Variants in NID1 observed in about 807,000 individuals in gnomAD.
NID1 encodes nidogen-1.
NID1 carries 76 observed loss-of-function variants against 130.6 expected under a neutral mutation model. The ratio of observed to expected loss-of-function variants is 0.58; its 90% CI spans 0.48 to 0.70. The LOEUF (loss-of-function observed/expected upper bound fraction) is 0.70, where lower values mean the gene tolerates loss of function less well. NID1 is among the 30% of genes least tolerant of loss of function. NID1 has a pLI of 0.00. For synonymous variants in NID1, 665 were observed against 675.1 expected (o/e 0.98, Z 0.23); for missense variants, 1,517 against 1,664.8 (o/e 0.91, Z 1.54).
intron 4 of NID1, among the ~76,000 whole-genome samples, chr1:236,039,446 T>C (rs897438852): frequency 6.6e-6 from 1 of 151,916 alleles, no homozygotes; most frequent in Non-Finnish European, 1.5e-5. Context: ...GAGGAATAAT[T>C]TGGAAGCACT....
intron 12 of NID1, among the ~76,000 whole-genome samples, chr1:236,005,518 C>A (rs1410315009): frequency 6.6e-6 from 1 of 152,160 alleles, no homozygotes; most frequent in Non-Finnish European, 1.5e-5. Flanking sequence ...AAGATTTCTT[C>A]TAATTTACCT....
intron 14 of NID1, 54 bp from the exon 15 acceptor site, chr1:235,985,559 A>T (rs1256612758): frequency 1.9e-6 from 3 of 1,600,460 alleles, no homozygotes; most frequent in Non-Finnish European, 2.6e-6. Flanking sequence ...TCTGATAGTG[A>T]GAATCTTTTT....
intron 19 of NID1, among the ~76,000 whole-genome samples, chr1:235,978,682 T>C (rs1657343459): frequency 6.6e-6 from 1 of 152,214 alleles, no homozygotes; most frequent in Non-Finnish European, 1.5e-5. Flanking sequence ...TTAGGCCAGA[T>C]GGATGGACTT....
chr1:236,052,756 G>A (rs1027417445), intron 1 of NID1, among the ~76,000 whole-genome samples: 1 of 152,168 alleles, frequency 6.6e-6, no homozygotes, highest in African/African-American at 2.4e-5. Flanking sequence ...TAAACTGTCC[G>A]ACTGTGAGTG....
At position 236,013,464 on chromosome 1, in the gene NID1, G is replaced by A. The variant is rs767711270; in HGVS notation, c.2351C>T (p.Ser784Phe). 5 of 1,614,168 alleles carry A rather than the reference G, an allele frequency of 3.1e-6. No individual in the cohort carries two copies. The South Asian group carries it at 3.3e-5, about 11-fold the overall frequency. Reference sequence around the variant, plus strand: ...GCCTGGCAAGCAGGAACAGGTGTAGGAGGAGCCTCCTGTGTAGATACACTG... The same window carrying A: ...GCCTGGCAAGCAGGAACAGGTGTAGAAGGAGCCTCCTGTGTAGATACACTG... ...RAQCIYTGGS[S>F]YTCSCLPGFS... Residue 784 changes from serine (S) to phenylalanine (F), a missense_variant, in exon 11 of 20, where the codon TCC (serine) becomes TTC (phenylalanine). Physicochemically the swap from Ser to Phe is radical, Grantham distance 155. Transcript: ENST00000264187.
chr1:235,978,956 G>T, intron 19 of NID1, 39 bp downstream of exon 19: 1 of 1,408,924 alleles, frequency 7.1e-7, no homozygotes, highest in Non-Finnish European at 1.0e-6. Flanking sequence ...GCCTCCATGT[G>T]CCCCCAGTAT....
In NID1 at chr1:235,976,548, T is replaced by C. The variant is rs1007549125; in HGVS notation, c.*1319A>G. 4 of 152,188 alleles carry C rather than the reference T, an allele frequency of 2.6e-5. No individual in the cohort carries two copies. Among genetic ancestry groups the C allele is most frequent in the African/African-American group, 9.7e-5 (4 of 41,440 alleles). The allele number at this position is 152,188 out of a possible 1,614,324, so 9.4% of individuals were successfully genotyped here. A position where few individuals can be genotyped will look rare whatever the true frequency, so the allele number is the denominator to read the frequency against. On this transcript the variant is annotated 3_prime_UTR_variant, in exon 20 of 20. Coordinates refer to ENST00000264187, the MANE Select transcript of NID1 (RefSeq NM_002508.3). Reference sequence around the variant, plus strand: ...TATCCCATCCTTTACTGACTCAAACTCCTTATGCTGAACTTTTCAATCCAA... The same window carrying C: ...TATCCCATCCTTTACTGACTCAAACCCCTTATGCTGAACTTTTCAATCCAA...
intron 5 of NID1, among the ~76,000 whole-genome samples, chr1:236,035,669 C>G (rs1331974187): frequency 6.6e-6 from 1 of 152,116 alleles, no homozygotes; most frequent in African/African-American, 2.4e-5. Flanking sequence ...GTTGAATAGC[C>G]CTAGGCAGGG....
chr1:236,017,765 C>G (rs1229010724), intron 9 of NID1, among the ~76,000 whole-genome samples: 1 of 152,166 alleles, frequency 6.6e-6, no homozygotes, highest in Non-Finnish European at 1.5e-5. Flanking sequence ...ATCCCCATGC[C>G]TTTCTCCTAA....
At chr1:236,032,283 G>A in intron 6 of NID1, 118 bp downstream of exon 6, 1 of 1,299,288 alleles carries the variant, frequency 7.7e-7, no homozygotes, top group East Asian at 2.3e-5. Context: ...AGACAAAAAG[G>A]AGCAACAACA....
chr1:236,063,498 AT>A (rs199895236), intron 1 of NID1, among the ~76,000 whole-genome samples: 2,030 of 151,924 alleles, frequency 0.013, 37 homozygotes, highest in African/African-American at 0.046. Flanking sequence ...AAATAAATAA[AT>A]AAATAAAGTA....
intron 12 of NID1, 147 bp from the exon 13 acceptor site, chr1:235,994,019 T>C: frequency 1.5e-6 from 1 of 647,336 alleles, no homozygotes; most frequent in Non-Finnish European, 2.7e-6. Flanking sequence ...TTATTCAAAA[T>C]GCAGAAACAT....
chr1:236,036,308 T>C (rs749655503), intron 5 of NID1, among the ~76,000 whole-genome samples: 3 of 152,242 alleles, frequency 2.0e-5, no homozygotes, highest in Non-Finnish European at 4.4e-5. Flanking sequence ...GCATACTCAA[T>C]TGTCTTCCAT....
chr1:235,980,384 T>C (rs1050606117), intron 17 of NID1, 112 bp downstream of exon 17: 2 of 1,065,190 alleles, frequency 1.9e-6, no homozygotes, highest in African/African-American at 1.6e-5. Flanking sequence ...TCATAGCTTC[T>C]GGGTTATATA....
chr1:236,033,928 C>T (rs1659170652), intron 5 of NID1, among the ~76,000 whole-genome samples: 1 of 152,160 alleles, frequency 6.6e-6, no homozygotes, highest in Admixed American at 6.5e-5. Flanking sequence ...TTGAAGGTTA[C>T]TGTATGGCCC....
intron 10 of NID1, 65 bp downstream of exon 10, chr1:236,017,083 C>T (rs769869193): frequency 4.4e-6 from 7 of 1,605,716 alleles, no homozygotes; most frequent in African/African-American, 4.0e-5. Flanking sequence ...GGGACCAGAA[C>T]TTTTGCATAA....
intron 1 of NID1, chr1:236,060,548 G>A (rs1036482733): frequency 1.3e-5 from 2 of 152,262 alleles, no homozygotes; most frequent in Non-Finnish European, 1.5e-5. Flanking sequence ...TCTGACATAA[G>A]GGTAATAGAG....
intron 8 of NID1, 51 bp from the exon 9 acceptor site, chr1:236,024,264 G>GAAA: frequency 6.3e-7 from 1 of 1,599,188 alleles, no homozygotes; most frequent in Non-Finnish European, 8.5e-7. Context: ...AGCTCTTGCA[G>GAAA]GTTTCCTCCT....
At chr1:236,046,656 T>A (rs536838822) in intron 2 of NID1, among the ~76,000 whole-genome samples, 1 of 151,484 alleles carries the variant, frequency 6.6e-6, no homozygotes, top group Non-Finnish European at 1.5e-5. Flanking sequence ...TAATTTGGTA[T>A]AGCGGCTGCA....
Sources: allele counts gnomAD v4.1 joint callset (sites outside exome capture counted in the v4.1 genomes callset), GRCh38; gene constraint gnomAD v4.1.1; transcripts MANE v1.5; gene names NCBI Gene and HGNC (gene_info 2026-07-23, HGNC 2026-07-21).